RBFOX1: variants seen among roughly 807,000 people sequenced by gnomAD.
RBFOX1 encodes the protein RNA binding protein fox-1 homolog 1.
A neutral mutation model predicts 57.7 loss-of-function variants in RBFOX1; 8 were observed. The ratio of observed to expected loss-of-function variants is 0.14; its 90% CI spans 0.08 to 0.25. The LOEUF is 0.25. Ranked by LOEUF, RBFOX1 falls within the 10% of genes least tolerant of loss-of-function variation. The probability of loss-of-function intolerance (pLI) is 1.00; values close to 1 mark genes in which losing one functional copy is unlikely to be tolerated. For missense variants in RBFOX1, 611 were observed against 548.5 expected (o/e 1.11, Z -1.14); for synonymous variants, 326 against 222.4 (o/e 1.47, Z -4.15).
At chr16:6,814,711 G>C (rs2089647000) in intron 3 of RBFOX1, among the ~76,000 whole-genome samples, 1 of 152,118 alleles carries the variant, frequency 6.6e-6, no homozygotes, top group Non-Finnish European at 1.5e-5. Flanking sequence ...TTGGAAACCT[G>C]AGGAAGTGAA....
At chr16:6,515,696 C>A (rs534365031) in intron 2 of RBFOX1, among the ~76,000 whole-genome samples, 1 of 152,114 alleles carries the variant, frequency 6.6e-6, no homozygotes, top group Non-Finnish European at 1.5e-5. Flanking sequence ...TTTCTCAAAA[C>A]CCTCCCCTGC....
intron 3 of RBFOX1, among the ~76,000 whole-genome samples, chr16:6,947,081 G>C (rs114991526): frequency 0.011 from 1,625 of 152,266 alleles, 31 homozygotes; most frequent in African/African-American, 0.036. Flanking sequence ...TGCTTTCTCA[G>C]AGAATAGTTA....
chr16:6,505,135 C>T (rs375725232), intron 2 of RBFOX1, among the ~76,000 whole-genome samples: 2 of 151,948 alleles, frequency 1.3e-5, no homozygotes, highest in African/African-American at 4.8e-5. Flanking sequence ...TTTCCTTCAC[C>T]AGACTTGGGG....
At chr16:7,665,730 G>C (rs7201063) in intron 13 of RBFOX1, among the ~76,000 whole-genome samples, 85,960 of 151,946 alleles carry the variant, frequency 0.57, 25,014 homozygotes, top group Non-Finnish European at 0.62. Context: ...TAAGTAGGCA[G>C]TGTTGGGAGA....
chr16:5,366,797 C>G (rs1460628456), intron 1 of RBFOX1: 1 of 258,004 alleles, frequency 3.9e-6, no homozygotes, highest in Admixed American at 5.5e-5. Context: ...ATTTCCCTAT[C>G]GTGTTTGATA....
intron 2 of RBFOX1, among the ~76,000 whole-genome samples, chr16:6,473,486 T>C (rs2095223786): frequency 6.6e-6 from 1 of 152,150 alleles, no homozygotes. Context: ...CATCTCCTTG[T>C]TTCTTATCTG....
At chr16:6,561,433 A>C (rs2097177984) in intron 2 of RBFOX1, among the ~76,000 whole-genome samples, 1 of 152,210 alleles carries the variant, frequency 6.6e-6, no homozygotes, top group Non-Finnish European at 1.5e-5. Context: ...CCAAATATGT[A>C]TTTACCCAAT....
chr16:7,575,813 G>T (rs1346373631), intron 5 of RBFOX1, among the ~76,000 whole-genome samples: 3 of 152,198 alleles, frequency 2.0e-5, no homozygotes, highest in African/African-American at 7.2e-5. Context: ...ATCACACTCA[G>T]TGGAGGGCTT....
chr16:6,913,924 C>T (rs575449570), intron 3 of RBFOX1, among the ~76,000 whole-genome samples: 22 of 152,270 alleles, frequency 1.4e-4, no homozygotes, highest in African/African-American at 5.1e-4. Flanking sequence ...CACTAAAGGC[C>T]TCTTGGGGTG....
At chr16:7,130,033 T>C (rs1214083625) in intron 4 of RBFOX1, among the ~76,000 whole-genome samples, 1 of 104,180 alleles carries the variant, frequency 9.6e-6, no homozygotes, top group Non-Finnish European at 1.8e-5. Flanking sequence ...TTTTTGAAGA[T>C]TTTTTTTTTT....
At position 5,836,614 on chromosome 16, in the gene RBFOX1, T is replaced by C. The variant is rs377387581; in HGVS notation, c.319-30689T>C. Among the ~76,000 whole-genome samples, 195 of 152,332 alleles carry C rather than the reference T, an allele frequency of 1.3e-3. 1 individual carries two copies. The highest frequency in any genetic ancestry group is 4.3e-3 in the African/African-American group (177 of 41,588). On this transcript the variant is annotated intron_variant, in intron 3 of 19. Coordinates refer to the RBFOX1 transcript ENST00000641259. ...AATCTCCATCTCCATTTCCCCACCC[T>C]GTCCCAGGATTTCTCAAACTTTGCA...
intron 1 of RBFOX1, among the ~76,000 whole-genome samples, chr16:6,137,499 T>G (rs573122321): frequency 6.6e-6 from 1 of 152,100 alleles, no homozygotes; most frequent in South Asian, 2.1e-4. Context: ...AGACACGGGG[T>G]TTCACCATGT....
chr16:5,517,409 A>G (rs577014547), intron 2 of RBFOX1, among the ~76,000 whole-genome samples: 3 of 152,214 alleles, frequency 2.0e-5, no homozygotes, highest in African/African-American at 7.2e-5. Context: ...ACTTTTCCAG[A>G]TGGTAGCCTC....
At chr16:6,034,545 T>C (rs1464073123) in intron 1 of RBFOX1, among the ~76,000 whole-genome samples, 1 of 151,922 alleles carries the variant, frequency 6.6e-6, no homozygotes, top group Non-Finnish European at 1.5e-5. Flanking sequence ...GTCTGACTAG[T>C]TCTCTCCAAC....
chr16:6,062,840 G>T (rs779312943), intron 1 of RBFOX1, among the ~76,000 whole-genome samples: 17 of 152,060 alleles, frequency 1.1e-4, no homozygotes, highest in Admixed American at 3.9e-4. Context: ...AGATTAGCAG[G>T]CTGGAAATTC....
chr16:6,925,386 ACGTG>A (rs1244813796), intron 3 of RBFOX1, among the ~76,000 whole-genome samples: 2 of 151,710 alleles, frequency 1.3e-5, no homozygotes, highest in African/African-American at 4.8e-5. Flanking sequence ...TGGTCTCCGA[ACGTG>A]CCGGGATTAT....
rs76979313 is a variant in RBFOX1, at chr16:5,838,199, T to G, written c.319-29104T>G. On this transcript the variant is annotated intron_variant, in intron 3 of 19. Coordinates refer to the RBFOX1 transcript ENST00000641259. ...TTCACCTTAAGTACTATGCTCACAT[T>G]ACCACACATTACGTAGGAGATGTAG... 623 of 179,816 alleles carry G rather than the reference T, an allele frequency of 3.5e-3. 6 individuals carry two copies. Among genetic ancestry groups the G allele is most frequent in the African/African-American group, 0.014 (590 of 41,956 alleles). 11.1% of individuals were successfully genotyped at this position (179,816 alleles called of 1,614,324 possible). A position where few individuals can be genotyped will look rare whatever the true frequency, so the allele number is the denominator to read the frequency against.
At chr16:6,229,802 G>T (rs1362093560) in intron 1 of RBFOX1, among the ~76,000 whole-genome samples, 4 of 151,510 alleles carry the variant, frequency 2.6e-5, no homozygotes, top group Non-Finnish European at 5.9e-5. Context: ...TATAAATATA[G>T]AATACATATA....
chr16:6,391,276 C>T (rs1317652482), intron 2 of RBFOX1, among the ~76,000 whole-genome samples: 1 of 152,010 alleles, frequency 6.6e-6, no homozygotes, highest in Non-Finnish European at 1.5e-5. Context: ...TTGGGAGGCC[C>T]AGGCGGGCCG....
Sources: gnomAD v4.1 joint callset for allele counts (sites outside exome capture counted in the v4.1 genomes callset) on GRCh38, gnomAD v4.1.1 for gene constraint, MANE v1.5 for transcripts, NCBI Gene and HGNC (gene_info 2026-07-23, HGNC 2026-07-21) for gene names.